The following ZNF98 variants were observed in gnomAD, a reference collection of about 807,000 sequenced individuals.
ZNF98 encodes the protein zinc finger protein 739.
In ZNF98, 8 loss-of-function variants were observed where a neutral mutation model predicts 12.8. The observed-to-expected ratio is 0.63, with a 90% confidence interval of 0.37 to 1.13. The LOEUF (loss-of-function observed/expected upper bound fraction) is 1.13. Ranked by LOEUF, ZNF98 falls within the 50% of genes most tolerant of loss-of-function variation. The pLI is 0.01. For missense variants in ZNF98, 379 were observed against 666.1 expected (o/e 0.57, Z 4.74); for synonymous variants, 112 against 223.5 (o/e 0.50, Z 4.45).
At chr19:22,421,858 C>A (rs1969707814) in intron 1 of ZNF98, among the ~76,000 whole-genome samples, 1 of 152,164 alleles carries the variant, frequency 6.6e-6, no homozygotes, top group Non-Finnish European at 1.5e-5. Flanking sequence ...TGAACCCTCA[C>A]CCCCAGCACC....
At chr19:22,411,015 T>A (rs1210205045) in intron 1 of ZNF98, among the ~76,000 whole-genome samples, 1 of 152,122 alleles carries the variant, frequency 6.6e-6, no homozygotes, top group Non-Finnish European at 1.5e-5. Context: ...AGTAGCAATA[T>A]CTGACTGAGT....
intron 1 of ZNF98, among the ~76,000 whole-genome samples, chr19:22,411,000 C>T (rs1343567823): frequency 6.6e-6 from 1 of 152,142 alleles, no homozygotes; most frequent in Non-Finnish European, 1.5e-5. Context: ...ACACAGAAAA[C>T]AGAAAGTAGC....
At chr19:22,403,345 A>G (rs765901221) in intron 2 of ZNF98, 41 bp downstream of exon 2, 2 of 1,524,688 alleles carry the variant, frequency 1.3e-6, no homozygotes, top group Non-Finnish European at 1.8e-6. Flanking sequence ...AATAAAATTT[A>G]TAGGGTATAT....
In ZNF98 at chr19:22,421,232, G is replaced by A. The variant is rs75590050; in HGVS notation, c.30+963C>T. 3.3e-4 allele frequency among the ~76,000 whole-genome samples: 50 copies of A among 152,122 alleles called. 3 individuals carry two copies. In the East Asian group the frequency reaches 8.7e-3, roughly 26 times the overall value. The stretch of plus-strand genomic sequence containing the variant: ...ATTAATTAAAATACGGTATATAAAA[G>A]GTACACTAAAAAACAAATAATAAAT... On this transcript the variant is annotated intron_variant, in intron 1 of 3. Coordinates refer to ENST00000357774, the MANE Select transcript of ZNF98 (RefSeq NM_001098626.2).
At chr19:22,393,003 A>T in intron 3 of ZNF98, 22 bp from the exon 4 acceptor site, 1 of 1,468,442 alleles carries the variant, frequency 6.8e-7, no homozygotes, top group Non-Finnish European at 9.0e-7. Flanking sequence ...AAAAATAATA[A>T]ATTACTTCAC....
chr19:22,411,074 G>A (rs1969574970), intron 1 of ZNF98, among the ~76,000 whole-genome samples: 2 of 151,778 alleles, frequency 1.3e-5, no homozygotes, highest in African/African-American at 4.8e-5. Flanking sequence ...ATTGAGTCTC[G>A]CTCTGTTGCC....
intron 1 of ZNF98, among the ~76,000 whole-genome samples, chr19:22,406,410 C>G (rs1969519612): frequency 6.6e-6 from 1 of 151,878 alleles, no homozygotes; most frequent in South Asian, 2.1e-4. Context: ...TGAAAAAAAA[C>G]AAACAGAAAT....
chr19:22,402,432 A>C (rs1599386077), intron 3 of ZNF98: 2 of 403,890 alleles, frequency 5.0e-6, no homozygotes, highest in East Asian at 7.1e-5. Flanking sequence ...ACAGAACTTG[A>C]AAAACAGTTT....
chr19:22,404,135 G>A (rs575975124), intron 1 of ZNF98, among the ~76,000 whole-genome samples: 1 of 152,342 alleles, frequency 6.6e-6, no homozygotes, highest in Admixed American at 6.5e-5. Flanking sequence ...CAGGAGAATG[G>A]CATGAACCCC....
intron 3 of ZNF98, among the ~76,000 whole-genome samples, chr19:22,395,596 T>C (rs143990048): frequency 1.0e-3 from 159 of 151,520 alleles, no homozygotes; most frequent in African/African-American, 3.6e-3. Flanking sequence ...AAAAACAATT[T>C]GGTGGTAAAA....
intron 1 of ZNF98, among the ~76,000 whole-genome samples, chr19:22,404,668 C>G (rs1378006256): frequency 6.6e-6 from 1 of 152,130 alleles, no homozygotes; most frequent in Non-Finnish European, 1.5e-5. Context: ...TAAATCATAG[C>G]CTGAATTTAA....
At chr19:22,393,050 C>A in intron 3 of ZNF98, 69 bp from the exon 4 acceptor site, 2 of 1,380,960 alleles carry the variant, frequency 1.4e-6, no homozygotes, top group Non-Finnish European at 9.5e-7. Context: ...ACAAATCTAA[C>A]CTATAAAATT....
intron 1 of ZNF98, among the ~76,000 whole-genome samples, chr19:22,411,506 G>T (rs1019334798): frequency 6.6e-6 from 1 of 152,038 alleles, no homozygotes; most frequent in Non-Finnish European, 1.5e-5. Context: ...GCTTTACTCT[G>T]AACAAATCTG....
chr19:22,398,975 G>C (rs1403635436), intron 3 of ZNF98, among the ~76,000 whole-genome samples: 1 of 152,064 alleles, frequency 6.6e-6, no homozygotes. Flanking sequence ...CATATAATCA[G>C]ATTGTAATAG....
In ZNF98 at chr19:22,421,878, G is replaced by A. The variant is rs532782492; in HGVS notation, c.30+317C>T. Among the ~76,000 whole-genome samples the A allele has an allele frequency of 3.9e-5, 6 of 152,264 alleles. No homozygotes were observed. In the South Asian group the frequency reaches 1.2e-3, roughly 32 times the overall value. ...CCTCACCCCCAGCACCCCGAGTCAG[G>A]ATTCTGCCGACGACCCTCTCGTGGT... On this transcript the variant is annotated intron_variant, in intron 1 of 3. Transcript: ENST00000357774.
chr19:22,398,241 A>C (rs1457910937), intron 3 of ZNF98, among the ~76,000 whole-genome samples: 1 of 152,280 alleles, frequency 6.6e-6, no homozygotes, highest in Non-Finnish European at 1.5e-5. Context: ...TTATACTCTT[A>C]GAAACAGAAA....
intron 2 of ZNF98, 85 bp downstream of exon 2, chr19:22,403,301 A>C: frequency 6.6e-7 from 1 of 1,513,938 alleles, no homozygotes; most frequent in Non-Finnish European, 8.9e-7. Flanking sequence ...CTGAAAGCAT[A>C]AACTACCAAA....
chr19:22,406,774 G>A lies in ZNF98; in HGVS notation c.31-3262C>T, dbSNP rs535672455. Among the ~76,000 whole-genome samples the A allele has an allele frequency of 5.3e-5, 8 of 151,294 alleles. No homozygotes were observed. In the South Asian group the frequency reaches 6.3e-4, roughly 12 times the overall value. ...AGAGCTTGCAGTGAGCTGAGATCGC[G>A]CCACTGCACTCCAGCCTGGGCAACA... On this transcript the variant is annotated intron_variant, in intron 1 of 3. Transcript: ENST00000357774.
At chr19:22,416,241 C>T (rs1172148721) in intron 1 of ZNF98, among the ~76,000 whole-genome samples, 3 of 151,852 alleles carry the variant, frequency 2.0e-5, no homozygotes, top group Non-Finnish European at 2.9e-5. Flanking sequence ...GAGGCCAAGG[C>T]GGACAGATCA....
Sources: gnomAD v4.1 joint callset for allele counts (sites outside exome capture counted in the v4.1 genomes callset) on GRCh38, gnomAD v4.1.1 for gene constraint, MANE v1.5 for transcripts, NCBI Gene and HGNC (gene_info 2026-07-23, HGNC 2026-07-21) for gene names.